TAFA4: variants seen among roughly 807,000 people sequenced by gnomAD.
The protein encoded by TAFA4 is TAFA chemokine like family member 4.
TAFA4 carries 20 observed loss-of-function variants against 21.1 expected under a neutral mutation model. That is an observed-to-expected ratio of 0.95 (90% CI 0.67 to 1.38). TAFA4 has a LOEUF of 1.38. Among genes scored for constraint, TAFA4 ranks in the 40% most tolerant of loss-of-function variants. TAFA4 has a pLI of 0.00. For missense variants in TAFA4, 211 were observed against 180.9 expected (o/e 1.17, Z -0.95); for synonymous variants, 71 against 67.4 (o/e 1.05, Z -0.26).
intron 3 of TAFA4, among the ~76,000 whole-genome samples, chr3:68,821,979 G>A (rs1033691819): frequency 4.6e-5 from 7 of 152,114 alleles, no homozygotes; most frequent in African/African-American, 7.2e-5. Context: ...AATCTCTACC[G>A]GTATTAATTT....
rs77509327 is a variant in TAFA4 at position 68,809,635 on chromosome 3, C to T, written c.131-56617G>A. ...GATCACAGCCAAAAAAAATTATTGC[C>T]CAGATCAGTGTCATAAAGCTTTTCC... On this transcript the variant is annotated intron_variant, in intron 3 of 5. Coordinates refer to ENST00000295569, the MANE Select transcript of TAFA4 (RefSeq NM_182522.5). Among the ~76,000 whole-genome samples, 461 of 151,570 alleles carry T rather than the reference C, an allele frequency of 3.0e-3. 1 individual carries two copies. Among genetic ancestry groups the T allele is most frequent in the African/African-American group, 0.011 (442 of 41,282 alleles).
At chr3:68,828,377 T>C (rs1297336065) in intron 3 of TAFA4, among the ~76,000 whole-genome samples, 1 of 152,344 alleles carries the variant, frequency 6.6e-6, no homozygotes, top group East Asian at 1.9e-4. Flanking sequence ...TTTGGTTCCA[T>C]GTGAACTTTA....
chr3:68,869,629 G>A (rs371778459), intron 3 of TAFA4, among the ~76,000 whole-genome samples: 5 of 152,040 alleles, frequency 3.3e-5, no homozygotes, highest in Admixed American at 6.6e-5. Flanking sequence ...CATTTCCACA[G>A]ATGTTTTAAA....
At chr3:68,798,020 C>T (rs1703489565) in intron 3 of TAFA4, among the ~76,000 whole-genome samples, 1 of 152,120 alleles carries the variant, frequency 6.6e-6, no homozygotes, top group South Asian at 2.1e-4. Context: ...ACATATTTCT[C>T]AAAAAGAATA....
At chr3:68,883,275 A>G (rs911629272) in intron 2 of TAFA4, among the ~76,000 whole-genome samples, 2 of 152,168 alleles carry the variant, frequency 1.3e-5, no homozygotes, top group African/African-American at 2.4e-5. Flanking sequence ...CTTGCTATTG[A>G]CCAGGAACTG....
At chr3:68,839,193 G>A (rs1008515228) in intron 3 of TAFA4, among the ~76,000 whole-genome samples, 5 of 152,132 alleles carry the variant, frequency 3.3e-5, no homozygotes, top group African/African-American at 1.2e-4. Context: ...CTGTAAAATG[G>A]GGAGCAATTG....
intron 3 of TAFA4, among the ~76,000 whole-genome samples, chr3:68,833,500 G>A (rs1057085898): frequency 3.3e-5 from 5 of 151,978 alleles, no homozygotes; most frequent in African/African-American, 1.2e-4. Context: ...TTCAATAAAA[G>A]GACCAATATA....
At chr3:68,778,597 G>C (rs1219327817) in intron 3 of TAFA4, among the ~76,000 whole-genome samples, 1 of 152,178 alleles carries the variant, frequency 6.6e-6, no homozygotes, top group Non-Finnish European at 1.5e-5. Flanking sequence ...AGTTTTACAA[G>C]ATCTGATGGT....
chr3:68,844,965 A>C (rs1181503289), intron 3 of TAFA4, among the ~76,000 whole-genome samples: 1 of 152,174 alleles, frequency 6.6e-6, no homozygotes, highest in Non-Finnish European at 1.5e-5. Flanking sequence ...GAATAAGTGC[A>C]ATGTGGTGCT....
intron 4 of TAFA4, among the ~76,000 whole-genome samples, chr3:68,739,811 G>C (rs1702315132): frequency 6.6e-6 from 1 of 152,222 alleles, no homozygotes; most frequent in South Asian, 2.1e-4. Context: ...TTATAAATGA[G>C]AGCTGAATAA....
At chr3:68,874,004 G>A (rs986134372) in intron 3 of TAFA4, among the ~76,000 whole-genome samples, 1 of 151,988 alleles carries the variant, frequency 6.6e-6, no homozygotes, top group East Asian at 1.9e-4. Context: ...TTCATTTCAT[G>A]CCTATATTAT....
chr3:68,765,857 C>T (rs1702843743), intron 3 of TAFA4, among the ~76,000 whole-genome samples: 1 of 152,074 alleles, frequency 6.6e-6, no homozygotes, highest in Non-Finnish European at 1.5e-5. Flanking sequence ...TCAGTATCCC[C>T]TCACTTTAAA....
In TAFA4 at chr3:68,738,121, G is replaced by C. The variant is rs544900040; in HGVS notation, c.411+954C>G. On this transcript the variant is annotated intron_variant, in intron 5 of 5. Coordinates refer to ENST00000295569, the MANE Select transcript of TAFA4 (RefSeq NM_182522.5). ...AAATGCTCAGAGATACAGGGAGCCT[G>C]AATTCAATCAGGAAAGAAGTCCCCG... Among the ~76,000 whole-genome samples, 8 of 152,250 alleles carry C rather than the reference G, an allele frequency of 5.3e-5. No homozygotes were observed. The South Asian group carries it at 1.7e-3, about 32-fold the overall frequency.
At chr3:68,843,560 T>C (rs555572964) in intron 3 of TAFA4, among the ~76,000 whole-genome samples, 2 of 152,344 alleles carry the variant, frequency 1.3e-5, no homozygotes, top group African/African-American at 2.4e-5. Flanking sequence ...TTATGTTGAA[T>C]AGGAGTGGTG....
intron 3 of TAFA4, among the ~76,000 whole-genome samples, chr3:68,790,776 C>T (rs1703346676): frequency 6.6e-6 from 1 of 152,186 alleles, no homozygotes. Context: ...GTGAAAGGAC[C>T]TCTCCTACCT....
At chr3:68,784,668 CAA>C (rs554879455) in intron 3 of TAFA4, among the ~76,000 whole-genome samples, 40 of 152,288 alleles carry the variant, frequency 2.6e-4, no homozygotes, top group Admixed American at 7.8e-4. Context: ...AGCAAAAGAA[CAA>C]AGTTTCCACA....
intron 3 of TAFA4, among the ~76,000 whole-genome samples, chr3:68,796,166 G>A (rs1703450627): frequency 6.6e-6 from 1 of 152,152 alleles, no homozygotes; most frequent in South Asian, 2.1e-4. Context: ...CTCAGGGCAA[G>A]TTCTATAGGC....
chr3:68,926,562 A>G (rs2090109569), intron 1 of TAFA4, among the ~76,000 whole-genome samples: 1 of 152,142 alleles, frequency 6.6e-6, no homozygotes, highest in Non-Finnish European at 1.5e-5. Context: ...CTGGACCTTA[A>G]AAGTTGCCAT....
intron 3 of TAFA4, among the ~76,000 whole-genome samples, chr3:68,787,103 C>T (rs1472417663): frequency 6.6e-6 from 1 of 152,102 alleles, no homozygotes; most frequent in East Asian, 1.9e-4. Flanking sequence ...ACAGGAGCCT[C>T]ATAATTAAAG....
Sources: gnomAD v4.1 joint callset for allele counts (sites outside exome capture counted in the v4.1 genomes callset) on GRCh38, gnomAD v4.1.1 for gene constraint, MANE v1.5 for transcripts, NCBI Gene and HGNC (gene_info 2026-07-23, HGNC 2026-07-21) for gene names.